Variants in APIP observed in about 807,000 individuals in gnomAD.
APIP encodes methylthioribulose-1-phosphate dehydratase.
APIP carries 32 observed loss-of-function variants against 32.0 expected under a neutral mutation model. That is an observed-to-expected ratio of 1.00 (90% CI 0.76 to 1.34). APIP has a LOEUF of 1.34. APIP is among the 40% of genes most tolerant of loss of function. The pLI, the probability that APIP is intolerant of heterozygous loss-of-function variation, is 0.00. For missense variants in APIP, 247 were observed against 298.6 expected (o/e 0.83, Z 1.27); for synonymous variants, 92 against 94.8 (o/e 0.97, Z 0.17).
Position 34,916,337 on chromosome 11 carries a change from G to A in APIP, c.-53C>T, listed in dbSNP as rs2956113. On this transcript the variant is annotated 5_prime_UTR_variant, in exon 1 of 7. Coordinates refer to ENST00000395787, the MANE Select transcript of APIP (RefSeq NM_015957.4). ...CCAATCTCCGCACGGCTTTGCGCGC[G>A]GCGCTTAGCCTGGGATACGGCAGCG... is the stretch of plus-strand genomic sequence containing the variant. The A allele has an allele frequency of 0.36, 581,491 of 1,599,314 alleles. 110,744 individuals carry two copies. The highest frequency in any genetic ancestry group is 0.73 in the East Asian group (32,094 of 44,174).
At chr11:34,903,311 A>G (rs1362544133) in intron 1 of APIP, among the ~76,000 whole-genome samples, 1 of 152,228 alleles carries the variant, frequency 6.6e-6, no homozygotes, top group Non-Finnish European at 1.5e-5. Context: ...AACAAGGAGT[A>G]TGCATATGCA....
chr11:34,913,388 GGAGTTTGTTCGTTCAGATGTTCA>G (rs2133926237), intron 1 of APIP, among the ~76,000 whole-genome samples: 1 of 152,262 alleles, frequency 6.6e-6, no homozygotes, highest in Admixed American at 6.5e-5. Context: ...TGGTGTGTAC[GGAGTTTGTTCGTTCAGATGTTCA>G]GAGTTTCTTC....
intron 5 of APIP, among the ~76,000 whole-genome samples, chr11:34,885,064 G>C (rs867832659): frequency 2.5e-4 from 35 of 140,052 alleles, no homozygotes; most frequent in African/African-American, 7.7e-4. Flanking sequence ...TTATGTATAT[G>C]TATACATTAT....
chr11:34,912,641 G>A (rs1455790524), intron 1 of APIP, among the ~76,000 whole-genome samples: 1 of 152,124 alleles, frequency 6.6e-6, no homozygotes, highest in Non-Finnish European at 1.5e-5. Flanking sequence ...AATACAAGCA[G>A]GCAGAAAAAT....
Position 34,887,716 on chromosome 11 carries a change from C to T in APIP, c.461+577G>A, listed in dbSNP as rs77666462. On this transcript the variant is annotated intron_variant, in intron 5 of 6. Coordinates refer to ENST00000395787, the MANE Select transcript of APIP (RefSeq NM_015957.4). Reference sequence around the variant, plus strand: ...CTGAACACTGAGAACATGTTTCTTCCTGCCGTTATATTCTAGAATTATGAA... The same window carrying T: ...CTGAACACTGAGAACATGTTTCTTCTTGCCGTTATATTCTAGAATTATGAA... Among the ~76,000 whole-genome samples, 444 of 152,178 alleles carry T rather than the reference C, an allele frequency of 2.9e-3. 2 individuals are homozygous for T. The highest frequency in any genetic ancestry group is 0.01 in the African/African-American group (430 of 41,522).
At chr11:34,913,401 T>C (rs1853589850) in intron 1 of APIP, among the ~76,000 whole-genome samples, 2 of 152,092 alleles carry the variant, frequency 1.3e-5, no homozygotes, top group Admixed American at 6.5e-5. Context: ...GTTTGTTCGT[T>C]CAGATGTTCA....
intron 1 of APIP, among the ~76,000 whole-genome samples, chr11:34,907,009 T>C (rs1245421804): frequency 2.0e-5 from 3 of 152,180 alleles, no homozygotes; most frequent in Admixed American, 6.5e-5. Context: ...CGAGGACCCT[T>C]AGATCAACCC....
At chr11:34,901,272 G>A (rs1324620877) in intron 1 of APIP, among the ~76,000 whole-genome samples, 1 of 152,060 alleles carries the variant, frequency 6.6e-6, no homozygotes, top group East Asian at 1.9e-4. Context: ...CAGGTAGCAA[G>A]ACAAAGCCAC....
Position 34,905,840 on chromosome 11 carries a change from T to C in APIP, c.57+10388A>G, listed in dbSNP as rs373369995. On this transcript the variant is annotated intron_variant, in intron 1 of 6. Coordinates refer to ENST00000395787, the MANE Select transcript of APIP (RefSeq NM_015957.4). Reference sequence around the variant, plus strand: ...CCCCTCATGGAATTCCAGACCGTTGTATCATGTTTGCTAATAGTAGCGGCT... The same window carrying C: ...CCCCTCATGGAATTCCAGACCGTTGCATCATGTTTGCTAATAGTAGCGGCT... 1.9e-4 allele frequency among the ~76,000 whole-genome samples: 29 copies of C among 152,264 alleles called. No individual in the cohort carries two copies. In the East Asian group the frequency reaches 4.4e-3, roughly 23 times the overall value.
At chr11:34,894,197 C>T (rs78865569) in intron 2 of APIP, among the ~76,000 whole-genome samples, 10 of 152,186 alleles carry the variant, frequency 6.6e-5, no homozygotes, top group East Asian at 3.9e-4. Context: ...TACTATTTAT[C>T]CTTTCTGCTT....
chr11:34,893,835 T>A (rs1853220055), intron 2 of APIP, among the ~76,000 whole-genome samples: 1 of 152,214 alleles, frequency 6.6e-6, no homozygotes, highest in Non-Finnish European at 1.5e-5. Context: ...ATGTTCTGAT[T>A]ATATTTTACA....
intron 1 of APIP, among the ~76,000 whole-genome samples, chr11:34,898,195 T>C (rs1251695957): frequency 6.6e-6 from 1 of 152,080 alleles, no homozygotes; most frequent in East Asian, 1.9e-4. Flanking sequence ...ATCTGTTCTA[T>C]CATTCTGAGG....
chr11:34,895,166 C>T, intron 1 of APIP, 56 bp from the exon 2 acceptor site: 1 of 1,427,440 alleles, frequency 7.0e-7, no homozygotes, highest in South Asian at 1.2e-5. Context: ...AGTAACTATT[C>T]CAGCTGGTGT....
rs982080557 is a variant in APIP at position 34,916,091 on chromosome 11, G to A, written c.57+137C>T. 3.5e-5 allele frequency: 40 copies of A among 1,144,976 alleles called. No individual in the cohort carries two copies. The African/African-American group carries it at 5.8e-4, about 16-fold the overall frequency. 70.9% of individuals were successfully genotyped at this position (1,144,976 alleles called of 1,614,324 possible). On this transcript the variant is annotated intron_variant, in intron 1 of 6. Transcript: ENST00000395787. Reference sequence around the variant, plus strand: ...GAACGCCAAGGTCGCGGTGCGCCGGGGTAGCGAACGGCCAGGCCCGAAACC... The same window carrying A: ...GAACGCCAAGGTCGCGGTGCGCCGGAGTAGCGAACGGCCAGGCCCGAAACC...
chr11:34,909,506 C>T (rs964343432), intron 1 of APIP, among the ~76,000 whole-genome samples: 3 of 152,102 alleles, frequency 2.0e-5, no homozygotes, highest in Non-Finnish European at 4.4e-5. Flanking sequence ...ACCTAAAAGA[C>T]ATGAACTAAG....
At chr11:34,893,732 A>G (rs1174397224) in intron 2 of APIP, among the ~76,000 whole-genome samples, 1 of 152,214 alleles carries the variant, frequency 6.6e-6, no homozygotes, top group African/African-American at 2.4e-5. Context: ...CCAATGTTCA[A>G]TGAAAATTTC....
At chr11:34,902,316 ATCC>A (rs2133917485) in intron 1 of APIP, among the ~76,000 whole-genome samples, 1 of 152,348 alleles carries the variant, frequency 6.6e-6, no homozygotes, top group Admixed American at 6.5e-5. Flanking sequence ...GAGTTCTCTC[ATCC>A]TCAAGTTAGG....
At chr11:34,899,213 A>G (rs1300989472) in intron 1 of APIP, among the ~76,000 whole-genome samples, 1 of 152,232 alleles carries the variant, frequency 6.6e-6, no homozygotes, top group Non-Finnish European at 1.5e-5. Flanking sequence ...CCTAGTGGAA[A>G]CAGAAATCTT....
chr11:34,916,078 C>T, intron 1 of APIP, 150 bp downstream of exon 1: 1 of 1,035,632 alleles, frequency 9.7e-7, no homozygotes, highest in Non-Finnish European at 1.4e-6. Context: ...ACGCCAAGGT[C>T]GCGGTGCGCC....
Sources: gnomAD v4.1 joint callset for allele counts (sites outside exome capture counted in the v4.1 genomes callset) on GRCh38, gnomAD v4.1.1 for gene constraint, MANE v1.5 for transcripts, NCBI Gene and HGNC (gene_info 2026-07-23, HGNC 2026-07-21) for gene names.